CHD2: variants seen among roughly 807,000 people sequenced by gnomAD.
The protein encoded by CHD2 is ATP-dependent chromatin remodeler CHD2.
In CHD2, 28 loss-of-function variants were observed where a neutral mutation model predicts 243.9. The ratio of observed to expected loss-of-function variants is 0.11; its 90% CI spans 0.09 to 0.16. The LOEUF is 0.16. Among genes scored for constraint, CHD2 ranks in the 10% least tolerant of loss-of-function variants. The pLI is 1.00. For missense variants in CHD2, 1,386 were observed against 2,209.8 expected (o/e 0.63, Z 7.47); for synonymous variants, 775 against 779.0 (o/e 0.99, Z 0.09).
In CHD2 at chr15:93,014,886, A is replaced by G; in HGVS notation, c.4883A>G (p.Asn1628Ser). Residue 1628 changes from asparagine to serine, a missense_variant, in exon 37 of 39, where the codon AAC becomes AGC. By Grantham distance (46) the Asn-to-Ser change is conservative (BLOSUM62 1). Coordinates refer to ENST00000394196, the MANE Select transcript of CHD2 (RefSeq NM_001271.4). Reference protein sequence around the residue: ...GHPRDNYNHPNKRHFSNADRG... With the variant: ...GHPRDNYNHPSKRHFSNADRG... ...CCAAGAGATAACTACAATCACCCCAACAAGAGACACTTCAGTAATGCAGGT... is the reference window on the plus strand; with the variant it reads ...CCAAGAGATAACTACAATCACCCCAGCAAGAGACACTTCAGTAATGCAGGT... 6.2e-7 allele frequency: 1 copy of G among 1,614,122 alleles called. No individual in the cohort carries two copies.
chr15:92,941,731 G>C (rs1463542227), intron 7 of CHD2, 91 bp from the exon 8 acceptor site: 1 of 1,306,740 alleles, frequency 7.7e-7, no homozygotes, highest in Non-Finnish European at 1.1e-6. Context: ...GAACCAAAAG[G>C]GTATGGTTTC....
chr15:92,920,305 C>T (rs1481931320), intron 2 of CHD2, among the ~76,000 whole-genome samples: 5 of 152,064 alleles, frequency 3.3e-5, no homozygotes, highest in Non-Finnish European at 7.3e-5. Flanking sequence ...ATACTCTACT[C>T]AGAAATATGG....
At chr15:92,978,767 A>G (rs1045138339) in intron 21 of CHD2, among the ~76,000 whole-genome samples, 2 of 152,206 alleles carry the variant, frequency 1.3e-5, no homozygotes, top group East Asian at 1.9e-4. Flanking sequence ...TTGGAAAACC[A>G]CACACTTTTT....
chr15:92,950,409 G>C (rs1056550633), intron 13 of CHD2: 1 of 152,158 alleles, frequency 6.6e-6, no homozygotes, highest in African/African-American at 2.4e-5. Flanking sequence ...GATGTATTTT[G>C]CTGTCCTTAC....
intron 2 of CHD2, among the ~76,000 whole-genome samples, chr15:92,903,420 A>G (rs1345942659): frequency 2.0e-5 from 3 of 152,230 alleles, no homozygotes; most frequent in Non-Finnish European, 4.4e-5. Context: ...TAGTATCTGG[A>G]AAGAATGAGT....
chr15:93,010,278 G>T (rs548744247), intron 35 of CHD2, among the ~76,000 whole-genome samples: 16 of 152,162 alleles, frequency 1.1e-4, no homozygotes, highest in African/African-American at 3.1e-4. Context: ...AGATTATGCT[G>T]CTATAAACAT....
intron 34 of CHD2, among the ~76,000 whole-genome samples, chr15:93,006,973 T>C (rs532113094): frequency 3.9e-5 from 6 of 152,250 alleles, no homozygotes; most frequent in Non-Finnish European, 8.8e-5. Flanking sequence ...TTTTTCCAAA[T>C]GTTTGCTACT....
At chr15:93,018,563 C>T (rs749997069) in intron 37 of CHD2, among the ~76,000 whole-genome samples, 2 of 152,234 alleles carry the variant, frequency 1.3e-5, no homozygotes, top group Non-Finnish European at 2.9e-5. Context: ...CAAAGTATCA[C>T]AGACTAGGTG....
intron 12 of CHD2, 68 bp from the exon 13 acceptor site, chr15:92,948,884 A>C (rs1269806931): frequency 1.3e-6 from 2 of 1,512,750 alleles, no homozygotes; most frequent in African/African-American, 2.8e-5. Context: ...GAATATGTGA[A>C]TTGTGGCTAG....
chr15:93,019,408 C>A (rs557687383), intron 37 of CHD2, among the ~76,000 whole-genome samples: 1 of 152,214 alleles, frequency 6.6e-6, no homozygotes, highest in Middle Eastern at 3.4e-3. Flanking sequence ...GTTAAGATTT[C>A]AGAAGGAGAG....
intron 13 of CHD2, chr15:92,949,359 A>G: frequency 1.9e-6 from 1 of 529,908 alleles, no homozygotes. Context: ...GTTACTCATG[A>G]GTGTATATAG....
chr15:92,940,629 G>A (rs1271536637), intron 7 of CHD2, among the ~76,000 whole-genome samples: 1 of 151,114 alleles, frequency 6.6e-6, no homozygotes, highest in Non-Finnish European at 1.5e-5. Flanking sequence ...TCCAAAGCTA[G>A]GACTGGGCTT....
chr15:92,903,988 A>G (rs1278002366), intron 2 of CHD2, among the ~76,000 whole-genome samples: 1 of 152,234 alleles, frequency 6.6e-6, no homozygotes, highest in Non-Finnish European at 1.5e-5. Flanking sequence ...ACTGGCAGCC[A>G]TTTTATGACG....
At position 92,926,987 on chromosome 15, in the gene CHD2, G is replaced by GTATGTT. The variant is rs11283408; in HGVS notation, c.295-254_295-253insGTTTAT. ...TCTTACCTTTCTGTATTATTCAGCTGTATATTTTAATGATGGGTAAGCGGT... is the reference window on the plus strand; with the variant it reads ...TCTTACCTTTCTGTATTATTCAGCTGTATGTTTATATTTTAATGATGGGTAAGCGGT... On this transcript the variant is annotated intron_variant, in intron 3 of 38. Transcript: ENST00000394196. Among the ~76,000 whole-genome samples, 125,437 of 151,426 alleles carry GTATGTT rather than the reference G, an allele frequency of 0.83. 52,214 individuals are homozygous for GTATGTT. Among genetic ancestry groups the GTATGTT allele is most frequent in the East Asian group, 1 (5,156 of 5,168 alleles).
At chr15:92,915,643 G>C (rs1201791395) in intron 2 of CHD2, among the ~76,000 whole-genome samples, 1 of 152,130 alleles carries the variant, frequency 6.6e-6, no homozygotes, top group Non-Finnish European at 1.5e-5. Flanking sequence ...TAAAGAGTTG[G>C]CACTTATAAA....
chr15:92,954,526 CACTG>C (rs143163186), intron 14 of CHD2, among the ~76,000 whole-genome samples: 331 of 152,286 alleles, frequency 2.2e-3, no homozygotes, highest in Middle Eastern at 0.01. Flanking sequence ...GTAACTTAAA[CACTG>C]GCTGATTTCA....
Position 93,012,749 on chromosome 15 carries a change from A to G in CHD2, c.4692+305A>G, listed in dbSNP as rs539876025. Among the ~76,000 whole-genome samples, 4 of 152,308 alleles carry G rather than the reference A, an allele frequency of 2.6e-5. No homozygotes were observed. The South Asian group carries it at 8.3e-4, about 32-fold the overall frequency. On this transcript the variant is annotated intron_variant, in intron 36 of 38. Transcript: ENST00000394196. ...GTAGCTTATAAATGTGGCTCCTAGG[A>G]AGTAATAGGGTGGTGGGCAGAAAAT... is the stretch of plus-strand genomic sequence containing the variant.
At chr15:92,930,392 T>G (rs1305066382) in intron 5 of CHD2, among the ~76,000 whole-genome samples, 1 of 152,164 alleles carries the variant, frequency 6.6e-6, no homozygotes, top group East Asian at 1.9e-4. Flanking sequence ...TATAATACAT[T>G]GCGCTTACTC....
At chr15:92,960,549 A>G (rs893399642) in intron 16 of CHD2, among the ~76,000 whole-genome samples, 7 of 152,028 alleles carry the variant, frequency 4.6e-5, no homozygotes, top group African/African-American at 1.7e-4. Flanking sequence ...TTTGTCCTTT[A>G]ACAATATAGT....
Sources: allele counts gnomAD v4.1 joint callset (sites outside exome capture counted in the v4.1 genomes callset), GRCh38; gene constraint gnomAD v4.1.1; transcripts MANE v1.5; gene names NCBI Gene and HGNC (gene_info 2026-07-23, HGNC 2026-07-21).